The following PDE7B variants were observed in gnomAD, a reference collection of about 807,000 sequenced individuals.
PDE7B encodes phosphodiesterase 7B.
In PDE7B, 29 loss-of-function variants were observed where a neutral mutation model predicts 56.2. That is an observed-to-expected ratio of 0.52 (90% CI 0.38 to 0.70). The LOEUF (loss-of-function observed/expected upper bound fraction) is 0.70, where lower values mean the gene tolerates loss of function less well. PDE7B is among the 30% of genes least tolerant of loss of function. The probability of loss-of-function intolerance (pLI) is 0.00; values close to 1 mark genes in which losing one functional copy is unlikely to be tolerated. For missense variants in PDE7B, 490 were observed against 565.0 expected, an observed-to-expected ratio of 0.87 and a Z score of 1.35; for synonymous variants, 197 against 196.9, an observed-to-expected ratio of 1.00 and a Z score of 0.00.
At chr6:135,932,925 C>T (rs1583780097) in intron 1 of PDE7B, among the ~76,000 whole-genome samples, 2 of 152,104 alleles carry the variant, frequency 1.3e-5, no homozygotes, top group South Asian at 4.2e-4. Context: ...TTTTACCTGA[C>T]GAGGGCCAGA....
intron 1 of PDE7B, among the ~76,000 whole-genome samples, chr6:135,917,768 A>G (rs537947003): frequency 3.3e-5 from 5 of 152,208 alleles, no homozygotes; most frequent in African/African-American, 4.8e-5. Flanking sequence ...AAGTTAATTT[A>G]CTTATGAATC....
chr6:136,111,857 T>G (rs1777754208), intron 3 of PDE7B, among the ~76,000 whole-genome samples: 1 of 152,226 alleles, frequency 6.6e-6, no homozygotes, highest in South Asian at 2.1e-4. Context: ...TTTCCCAGTG[T>G]GGGCACAGAC....
intron 11 of PDE7B, among the ~76,000 whole-genome samples, chr6:136,186,826 G>C (rs1238304603): frequency 1.3e-5 from 2 of 152,158 alleles, no homozygotes; most frequent in Non-Finnish European, 2.9e-5. Flanking sequence ...CATTATGAAC[G>C]GTCATTGGCA....
At chr6:136,088,266 A>C (rs998406038) in intron 2 of PDE7B, among the ~76,000 whole-genome samples, 1 of 152,184 alleles carries the variant, frequency 6.6e-6, no homozygotes, top group African/African-American at 2.4e-5. Flanking sequence ...ATATTACTAT[A>C]CCGGGGGCGG....
intron 2 of PDE7B, among the ~76,000 whole-genome samples, chr6:136,099,367 G>T (rs1777524105): frequency 6.6e-6 from 1 of 152,190 alleles, no homozygotes; most frequent in African/African-American, 2.4e-5. Context: ...CTCCACAATG[G>T]TTGAACTAGT....
chr6:136,068,873 G>T (rs1442016430), intron 2 of PDE7B, among the ~76,000 whole-genome samples: 2 of 152,114 alleles, frequency 1.3e-5, no homozygotes, highest in Non-Finnish European at 2.9e-5. Flanking sequence ...ACATAGAATG[G>T]GTCAAATATA....
chr6:136,107,401 A>G (rs1777663932), intron 2 of PDE7B, among the ~76,000 whole-genome samples: 1 of 152,204 alleles, frequency 6.6e-6, no homozygotes, highest in Non-Finnish European at 1.5e-5. Flanking sequence ...TCCATATTAT[A>G]TATAATAACT....
intron 10 of PDE7B, 101 bp downstream of exon 10, chr6:136,179,242 G>T: frequency 1.0e-6 from 1 of 1,000,680 alleles, no homozygotes; most frequent in Non-Finnish European, 1.5e-6. Context: ...TTGGGAGGCT[G>T]AGGCATGGGG....
At chr6:136,054,340 G>A (rs568376562) in intron 2 of PDE7B, among the ~76,000 whole-genome samples, 41 of 152,106 alleles carry the variant, frequency 2.7e-4, no homozygotes, top group Admixed American at 1.0e-3. Context: ...GTTTTTGTCA[G>A]GTTTGTCAAA....
chr6:136,118,245 C>T (rs1777872693), intron 3 of PDE7B, among the ~76,000 whole-genome samples: 1 of 152,130 alleles, frequency 6.6e-6, no homozygotes, highest in Admixed American at 6.5e-5. Context: ...TTCTTCAATC[C>T]TCCCAAAGGA....
chr6:135,916,700 C>CT (rs1245331924), intron 1 of PDE7B, among the ~76,000 whole-genome samples: 1 of 151,784 alleles, frequency 6.6e-6, no homozygotes, highest in African/African-American at 2.4e-5. Flanking sequence ...CTGTTTTGCC[C>CT]TTTTTTATTG....
At chr6:135,994,150 G>A (rs1583816821) in intron 2 of PDE7B, among the ~76,000 whole-genome samples, 1 of 140,044 alleles carries the variant, frequency 7.1e-6, no homozygotes, top group African/African-American at 2.9e-5. Flanking sequence ...GTGTGTGTGT[G>A]TGTGTGTGTG....
At chr6:135,994,704 AG>A (rs1775533802) in intron 2 of PDE7B, among the ~76,000 whole-genome samples, 1 of 152,224 alleles carries the variant, frequency 6.6e-6, no homozygotes, top group South Asian at 2.1e-4. Context: ...GCACTTATTG[AG>A]GATCTAGCAC....
chr6:135,986,613 A>G (rs1474867804), intron 2 of PDE7B, among the ~76,000 whole-genome samples: 1 of 152,218 alleles, frequency 6.6e-6, no homozygotes, highest in African/African-American at 2.4e-5. Flanking sequence ...TCTGTCCTGG[A>G]CAGCTCTGTC....
intron 1 of PDE7B, among the ~76,000 whole-genome samples, chr6:135,944,134 T>C (rs1774553555): frequency 6.6e-6 from 1 of 152,142 alleles, no homozygotes; most frequent in African/African-American, 2.4e-5. Flanking sequence ...AAAGTCAGGG[T>C]CACCTGGCAG....
At position 136,113,405 on chromosome 6, in the gene PDE7B, C is replaced by T. The variant is rs78589619; in HGVS notation, c.166+4591C>T. 2.4e-3 allele frequency among the ~76,000 whole-genome samples: 368 copies of T among 152,280 alleles called. 4 individuals are homozygous for T. The highest frequency in any genetic ancestry group is 8.1e-3 in the African/African-American group (337 of 41,558). ...CATAACACTCATTAAAAGCTAATTT[C>T]GTTCCCTGTTTCTATTTTACACAAT... On this transcript the variant is annotated intron_variant, in intron 3 of 12. Transcript: ENST00000308191.
At chr6:136,090,233 C>T (rs577444844) in intron 2 of PDE7B, among the ~76,000 whole-genome samples, 5 of 152,270 alleles carry the variant, frequency 3.3e-5, no homozygotes, top group South Asian at 4.1e-4. Flanking sequence ...AACTGTGGAG[C>T]ATCACGATCT....
At chr6:136,103,565 A>G (rs1777599598) in intron 2 of PDE7B, among the ~76,000 whole-genome samples, 1 of 152,184 alleles carries the variant, frequency 6.6e-6, no homozygotes, top group Non-Finnish European at 1.5e-5. Context: ...CAGTGACATG[A>G]ATTAGTAATG....
chr6:136,026,655 T>C (rs565816309), intron 2 of PDE7B, among the ~76,000 whole-genome samples: 9 of 152,290 alleles, frequency 5.9e-5, no homozygotes, highest in African/African-American at 2.2e-4. Flanking sequence ...CCTGATAGTA[T>C]CTGCACCCTG....
Sources: gnomAD v4.1 joint callset for allele counts (sites outside exome capture counted in the v4.1 genomes callset) on GRCh38, gnomAD v4.1.1 for gene constraint, MANE v1.5 for transcripts, NCBI Gene and HGNC (gene_info 2026-07-23, HGNC 2026-07-21) for gene names.